GRM1: variants seen among roughly 807,000 people sequenced by gnomAD.
The protein encoded by GRM1 is metabotropic glutamate receptor 1.
In GRM1, 33 loss-of-function variants were observed where a neutral mutation model predicts 90.9. That is an observed-to-expected ratio of 0.36 (90% confidence interval 0.28 to 0.49). The LOEUF (loss-of-function observed/expected upper bound fraction) is 0.49, where lower values mean the gene tolerates loss of function less well. Among genes scored for constraint, GRM1 ranks in the 20% least tolerant of loss-of-function variants. GRM1 has a pLI of 0.99. For synonymous variants in GRM1, 700 were observed against 613.2 expected (o/e 1.14, Z -2.09); for missense variants, 1,190 against 1,534.3 (o/e 0.78, Z 3.75).
intron 5 of GRM1, among the ~76,000 whole-genome samples, chr6:146,379,443 C>G (rs932382576): frequency 6.6e-6 from 1 of 152,086 alleles, no homozygotes; most frequent in South Asian, 2.1e-4. Context: ...ATTTCAATCT[C>G]TGTTAAATTT....
chr6:146,370,430 G>A (rs1293401125), intron 5 of GRM1, among the ~76,000 whole-genome samples: 3 of 152,066 alleles, frequency 2.0e-5, no homozygotes, highest in Non-Finnish European at 4.4e-5. Context: ...AATTTTGGAT[G>A]AGTGAATGAA....
intron 3 of GRM1, among the ~76,000 whole-genome samples, chr6:146,325,313 C>G (rs1290110051): frequency 6.6e-6 from 1 of 152,224 alleles, no homozygotes; most frequent in Non-Finnish European, 1.5e-5. Context: ...GCTTCCAGAT[C>G]TATCCTGAGA....
chr6:146,064,301 T>C (rs1163742324), intron 1 of GRM1, among the ~76,000 whole-genome samples: 1 of 152,220 alleles, frequency 6.6e-6, no homozygotes, highest in Non-Finnish European at 1.5e-5. Flanking sequence ...TTCCATAGTG[T>C]TAAGTTGAAC....
At chr6:146,065,184 T>A (rs989315960) in intron 1 of GRM1, among the ~76,000 whole-genome samples, 2 of 152,170 alleles carry the variant, frequency 1.3e-5, no homozygotes, top group Non-Finnish European at 2.9e-5. Flanking sequence ...AAAAACATAT[T>A]CAAAATTTTC....
Position 146,386,933 on chromosome 6 carries a change from C to G in GRM1, c.1646C>G (p.Ala549Gly), listed in dbSNP as rs768650449. ...GEVSCCWICT[A>G]CKENEYVQDE... ...GTGAGCTGCTGCTGGATTTGCACGGCCTGCAAAGAGAATGAATATGTGCAA... is the reference window on the plus strand; with the variant it reads ...GTGAGCTGCTGCTGGATTTGCACGGGCTGCAAAGAGAATGAATATGTGCAA... Residue 549 changes from alanine to glycine, a missense_variant, in exon 6 of 8, where the codon GCC (alanine) becomes GGC (glycine). Around this residue, in one of 10 missense-constraint regions of GRM1, gnomAD observed 414 missense variants for 598.4 expected, o/e 0.69. Transcript: ENST00000282753. 6.2e-7 allele frequency: 1 copy of G among 1,610,978 alleles called. No homozygotes were observed. The highest frequency in any genetic ancestry group is 1.1e-5 in the South Asian group (1 of 91,024).
intron 2 of GRM1, among the ~76,000 whole-genome samples, chr6:146,197,709 G>A (rs1779168379): frequency 6.6e-6 from 1 of 152,192 alleles, no homozygotes; most frequent in Non-Finnish European, 1.5e-5. Context: ...TTCATCCTCT[G>A]TGAATGACAA....
intron 1 of GRM1, among the ~76,000 whole-genome samples, chr6:146,136,713 T>G (rs1217531911): frequency 6.6e-6 from 1 of 152,152 alleles, no homozygotes; most frequent in Non-Finnish European, 1.5e-5. Flanking sequence ...ATAGAGCTGA[T>G]AAAGAAATTC....
intron 2 of GRM1, among the ~76,000 whole-genome samples, chr6:146,172,311 C>T (rs562747888): frequency 2.0e-4 from 31 of 152,294 alleles, no homozygotes; most frequent in African/African-American, 7.5e-4. Context: ...TTCTGTTTCC[C>T]TCTGCTACTG....
intron 1 of GRM1, among the ~76,000 whole-genome samples, chr6:146,058,239 T>C (rs1171859995): frequency 6.6e-6 from 1 of 152,072 alleles, no homozygotes; most frequent in African/African-American, 2.4e-5. Flanking sequence ...AGTGGTGGCA[T>C]GATATTCTAT....
At chr6:146,333,364 T>C (rs542290428) in intron 3 of GRM1, among the ~76,000 whole-genome samples, 2 of 152,210 alleles carry the variant, frequency 1.3e-5, no homozygotes, top group South Asian at 2.1e-4. Flanking sequence ...TCTTTTTTTT[T>C]CCCCCTAGTA....
chr6:146,205,631 G>T (rs1051776557), intron 2 of GRM1, among the ~76,000 whole-genome samples: 2 of 152,182 alleles, frequency 1.3e-5, no homozygotes, highest in Admixed American at 1.3e-4. Flanking sequence ...GGAGGTAAGT[G>T]AAATCAGATT....
intron 5 of GRM1, among the ~76,000 whole-genome samples, chr6:146,367,057 C>G (rs1199869636): frequency 6.6e-6 from 1 of 152,082 alleles, no homozygotes; most frequent in Non-Finnish European, 1.5e-5. Context: ...GTCTCTAATC[C>G]ATTTTGAATT....
chr6:146,414,515 G>A (rs1001503517), intron 7 of GRM1, among the ~76,000 whole-genome samples: 1 of 152,086 alleles, frequency 6.6e-6, no homozygotes, highest in African/African-American at 2.4e-5. Flanking sequence ...CCATTCTCCT[G>A]CCTCAGCCTC....
At chr6:146,173,335 A>G (rs1778207311) in intron 2 of GRM1, among the ~76,000 whole-genome samples, 1 of 151,134 alleles carries the variant, frequency 6.6e-6, no homozygotes, top group Non-Finnish European at 1.5e-5. Flanking sequence ...GGTTGCAGTG[A>G]GCCGAGACTG....
At chr6:146,289,423 G>A (rs1233392795) in intron 2 of GRM1, among the ~76,000 whole-genome samples, 3 of 152,140 alleles carry the variant, frequency 2.0e-5, no homozygotes, top group African/African-American at 7.2e-5. Context: ...CAATGTATTT[G>A]TGTTTCAAGC....
intron 2 of GRM1, among the ~76,000 whole-genome samples, chr6:146,296,578 C>A (rs1783185603): frequency 6.6e-6 from 1 of 152,164 alleles, no homozygotes; most frequent in African/African-American, 2.4e-5. Flanking sequence ...CCCCATCTAC[C>A]CTGCCTCCCA....
chr6:146,270,846 T>C (rs975519283), intron 2 of GRM1, among the ~76,000 whole-genome samples: 2 of 142,286 alleles, frequency 1.4e-5, no homozygotes, highest in Non-Finnish European at 3.0e-5. Context: ...TGCCTTTCTT[T>C]CTTTTTCTTT....
intron 1 of GRM1, among the ~76,000 whole-genome samples, chr6:146,059,928 C>G (rs1236564316): frequency 6.6e-6 from 1 of 152,170 alleles, no homozygotes; most frequent in Admixed American, 6.6e-5. Context: ...TTAGGCTTGG[C>G]TTAAGGGAAT....
At chr6:146,051,615 G>A (rs1775295368) in intron 1 of GRM1, among the ~76,000 whole-genome samples, 1 of 152,086 alleles carries the variant, frequency 6.6e-6, no homozygotes, top group Admixed American at 6.6e-5. Context: ...GATCAGTTAT[G>A]ACTTCAAGAT....
Sources: gnomAD v4.1 joint callset for allele counts (sites outside exome capture counted in the v4.1 genomes callset) on GRCh38, gnomAD v4.1.1 for gene constraint, gnomAD v4.1.1 regional missense constraint, MANE v1.5 for transcripts, NCBI Gene and HGNC (gene_info 2026-07-23, HGNC 2026-07-21) for gene names.